KIFC3: variants seen among roughly 807,000 people sequenced by gnomAD.
The protein encoded by KIFC3 is kinesin-like protein KIFC3.
KIFC3 carries 60 observed loss-of-function variants against 101.8 expected under a neutral mutation model. The observed-to-expected ratio is 0.59, with a 90% confidence interval of 0.48 to 0.73. KIFC3 has a LOEUF of 0.73. Ranked by LOEUF, KIFC3 falls within the 30% of genes least tolerant of loss-of-function variation. The pLI, the probability that KIFC3 is intolerant of heterozygous loss-of-function variation, is 0.00. For missense variants in KIFC3, 966 were observed against 1,137.1 expected, an observed-to-expected ratio of 0.85 and a Z score of 2.16; for synonymous variants, 476 against 482.7, an observed-to-expected ratio of 0.99 and a Z score of 0.18.
chr16:57,758,808 A>T lies in KIFC3; in HGVS notation c.*126T>A. 6.6e-7 allele frequency: 1 copy of T among 1,508,808 alleles called. No homozygotes were observed. The highest frequency in any genetic ancestry group is 9.2e-7 in the Non-Finnish European group (1 of 1,089,386). 93.5% of individuals were successfully genotyped at this position (1,508,808 alleles called of 1,614,324 possible). A position where few individuals can be genotyped will look rare whatever the true frequency, so the allele number is the denominator to read the frequency against. On this transcript the variant is annotated 3_prime_UTR_variant, in exon 20 of 20. Coordinates refer to ENST00000445690, the MANE Select transcript of KIFC3 (RefSeq NM_001130100.2). ...AAGAAGAGCCTCCACTCTCGCCTCTACCTCCGGGGGTCCTGGCGCTGCAGC... is the reference window on the plus strand; with the variant it reads ...AAGAAGAGCCTCCACTCTCGCCTCTTCCTCCGGGGGTCCTGGCGCTGCAGC...
At chr16:57,827,074 G>A (rs782064988) in intron 1 of KIFC3, among the ~76,000 whole-genome samples, 3 of 152,214 alleles carry the variant, frequency 2.0e-5, no homozygotes, top group Non-Finnish European at 4.4e-5. Flanking sequence ...GGACTCAGGT[G>A]ACAAGAGTCA....
intron 3 of KIFC3, chr16:57,788,619 CGGGCCCGCCT>C: frequency 7.8e-7 from 1 of 1,289,572 alleles, no homozygotes; most frequent in South Asian, 1.2e-5. Context: ...CCGGGCCTCC[CGGGCCCGCCT>C]GGGGGCCGGC....
In KIFC3 at chr16:57,769,111, G is replaced by A. The variant is rs1310386070; in HGVS notation, c.1218+484C>T. On this transcript the variant is annotated intron_variant, in intron 9 of 19. Transcript: ENST00000445690. This position sits in a 1 kb window ranked among gnomAD's most constrained non-coding sequence, Gnocchi z 4.3. Reference sequence around the variant, plus strand: ...TGCAGTGGCATGATCTTGGTTCACCGCAACCTCCGCCTTCTGGGTTCAAGT... The same window carrying A: ...TGCAGTGGCATGATCTTGGTTCACCACAACCTCCGCCTTCTGGGTTCAAGT... 1.3e-5 allele frequency among the ~76,000 whole-genome samples: 2 copies of A among 152,152 alleles called. No homozygotes were observed. The highest frequency in any genetic ancestry group is 6.5e-5 in the Admixed American group (1 of 15,278).
intron 17 of KIFC3, 116 bp downstream of exon 17, chr16:57,760,166 G>T (rs782738244): frequency 2.4e-6 from 3 of 1,271,178 alleles, no homozygotes; most frequent in Non-Finnish European, 3.3e-6. Context: ...ACCCAACTCC[G>T]GCAGCTTCCC....
rs1294675470 is a variant in KIFC3 at position 57,808,552 on chromosome 16, AT to A, written c.109-10271del. Among the ~76,000 whole-genome samples, 1,298 of 150,028 alleles carry A rather than the reference AT, an allele frequency of 8.7e-3. 12 individuals carry two copies. Among genetic ancestry groups the A allele is most frequent in the African/African-American group, 0.029 (1,203 of 41,060 alleles). ...GGCAGTTTTTGTTTTTGAACTTAAAATTTTTTTTTTTCTGCACAAATCTAAT... is the reference window on the plus strand; with the variant it reads ...GGCAGTTTTTGTTTTTGAACTTAAAATTTTTTTTTTCTGCACAAATCTAAT... On this transcript the variant is annotated intron_variant, in intron 1 of 2. Transcript: ENST00000563028.
chr16:57,825,260 C>G (rs927745706), intron 1 of KIFC3, among the ~76,000 whole-genome samples: 12 of 152,232 alleles, frequency 7.9e-5, no homozygotes, highest in African/African-American at 2.4e-4. Flanking sequence ...TCATGAATCA[C>G]TGGCCAGGCT....
At chr16:57,800,521 C>T (rs1054427920) in intron 1 of KIFC3, among the ~76,000 whole-genome samples, 3 of 152,170 alleles carry the variant, frequency 2.0e-5, no homozygotes, top group Non-Finnish European at 2.9e-5. Flanking sequence ...TCTGCAGTCT[C>T]GGCTGCTGGG....
intron 1 of KIFC3, among the ~76,000 whole-genome samples, chr16:57,835,929 G>A (rs1398337914): frequency 1.3e-5 from 2 of 151,914 alleles, no homozygotes; most frequent in African/African-American, 4.8e-5. Context: ...TAGCCTAGAT[G>A]ACAGAGTGAG....
At position 57,764,252 on chromosome 16, in the gene KIFC3, G is replaced by A. The variant is rs1255508248; in HGVS notation, c.1513-5C>T. The stretch of plus-strand genomic sequence containing the variant: ...GGCCTGCACCTCCTGGAACACCTGG[G>A]AGGGTGGTGGGAGGGAGGCTGGTGG... On this transcript the variant is annotated splice_region_variant and splice_polypyrimidine_tract_variant and intron_variant, in intron 11 of 19. Coordinates refer to ENST00000445690, the MANE Select transcript of KIFC3 (RefSeq NM_001130100.2). 2 of 1,515,284 alleles carry A rather than the reference G, an allele frequency of 1.3e-6. No individual in the cohort carries two copies. The highest frequency in any genetic ancestry group is 3.4e-5 in the Admixed American group (2 of 58,672). The allele number at this position is 1,515,284 out of a possible 1,614,324, so 93.9% of individuals were successfully genotyped here.
chr16:57,762,700 G>A (rs554225145), intron 12 of KIFC3, among the ~76,000 whole-genome samples: 5 of 152,118 alleles, frequency 3.3e-5, no homozygotes, highest in Non-Finnish European at 7.4e-5. Flanking sequence ...AAGGAGGAGC[G>A]GGCCAGTGTC....
chr16:57,852,082 A>G (rs1483804630), intron 1 of KIFC3, among the ~76,000 whole-genome samples: 1 of 151,414 alleles, frequency 6.6e-6, no homozygotes, highest in Non-Finnish European at 1.5e-5. Context: ...CTTTCCCTAG[A>G]TTGTCTATTT....
At chr16:57,784,518 C>T (rs182881690) in intron 3 of KIFC3, among the ~76,000 whole-genome samples, 121 of 152,336 alleles carry the variant, frequency 7.9e-4, no homozygotes, top group African/African-American at 2.6e-3. Flanking sequence ...ACACATGATG[C>T]GCAACAGGCA....
chr16:57,862,827 T>A (rs1191966957), exon 1 of KIFC3: 1 of 1,288,088 alleles, frequency 7.8e-7, no homozygotes, highest in Non-Finnish European at 1.0e-6. Context: ...AGAAACTCCA[T>A]CTGTGCCATT....
intron 1 of KIFC3, among the ~76,000 whole-genome samples, chr16:57,856,189 G>GA (rs1261901917): frequency 3.0e-5 from 3 of 101,242 alleles, no homozygotes; most frequent in Admixed American, 9.4e-5. Context: ...TAAAAAAAAA[G>GA]AAAAAAAAAG....
At chr16:57,814,155 A>AC (rs2149264870) in intron 1 of KIFC3, among the ~76,000 whole-genome samples, 1 of 151,714 alleles carries the variant, frequency 6.6e-6, no homozygotes, top group Admixed American at 6.6e-5. Flanking sequence ...TCTCCCACTG[A>AC]CCCCACAAGG....
At chr16:57,813,605 C>A (rs1031664415) in intron 1 of KIFC3, 2 of 863,858 alleles carry the variant, frequency 2.3e-6, no homozygotes, top group African/African-American at 1.8e-5. Flanking sequence ...TGGGGTCAAA[C>A]CTGCATGCCT....
chr16:57,847,773 T>TGC (rs1414019224), intron 1 of KIFC3, among the ~76,000 whole-genome samples: 1 of 150,820 alleles, frequency 6.6e-6, no homozygotes, highest in Non-Finnish European at 1.5e-5. Context: ...TGTGTGTGTG[T>TGC]GTGTGTGTGT....
chr16:57,836,244 A>G (rs1555480338), intron 1 of KIFC3, among the ~76,000 whole-genome samples: 1 of 152,112 alleles, frequency 6.6e-6, no homozygotes, highest in East Asian at 1.9e-4. Context: ...GCTCCCAAAT[A>G]GGTGGGACTA....
intron 1 of KIFC3, among the ~76,000 whole-genome samples, chr16:57,824,797 C>T (rs553570401): frequency 9.9e-5 from 15 of 152,272 alleles, no homozygotes; most frequent in African/African-American, 3.6e-4. Context: ...CAGCCCTGCA[C>T]CCCCGGTACC....
Sources: allele counts gnomAD v4.1 joint callset (sites outside exome capture counted in the v4.1 genomes callset), GRCh38; gene constraint gnomAD v4.1.1; non-coding constraint Gnocchi (gnomAD v3.1); transcripts MANE v1.5; gene names NCBI Gene and HGNC (gene_info 2026-07-23, HGNC 2026-07-21).